TCF7L1: variants seen among roughly 807,000 people sequenced by gnomAD.
TCF7L1 encodes the protein transcription factor 7-like 1.
Under a neutral mutation model 63.7 loss-of-function variants are expected in TCF7L1, and 18 were observed. That is an observed-to-expected ratio of 0.28 (90% confidence interval 0.20 to 0.42). The LOEUF is 0.42. Ranked by LOEUF, TCF7L1 falls within the 10% of genes least tolerant of loss-of-function variation. The pLI is 1.00. For synonymous variants in TCF7L1, 355 were observed against 340.9 expected (o/e 1.04, Z -0.46); for missense variants, 654 against 779.3 (o/e 0.84, Z 1.91).
intron 11 of TCF7L1, among the ~76,000 whole-genome samples, chr2:85,308,462 T>C (rs1457781981): frequency 7.4e-4 from 62 of 84,152 alleles, no homozygotes; most frequent in Non-Finnish European, 8.9e-4. Flanking sequence ...CCTCCCTCTC[T>C]TTCCCTCCCT....
Position 85,309,063 on chromosome 2 carries a change from T to C in TCF7L1, c.1368T>C (p.Val456=). The C allele has an allele frequency of 6.2e-7, 1 of 1,610,866 alleles. No individual in the cohort carries two copies. The highest frequency in any genetic ancestry group is 8.5e-7 in the Non-Finnish European group (1 of 1,178,404). The change falls in exon 12 of 12, where the codon GTT becomes GTC. Residue 456 remains valine (V), a synonymous_variant. Transcript: ENST00000282111. ...CCTCCAAGAGCAAGAAGCCATGTGT[T>C]CAGTACCTGCCCCCCGAGAAGCCCT... ...ALASKSKKPC[V]QYLPPEKPCD... is the part of the protein sequence containing the mutation.
At chr2:85,249,598 G>T (rs1481878930) in intron 3 of TCF7L1, among the ~76,000 whole-genome samples, 1 of 152,178 alleles carries the variant, frequency 6.6e-6, no homozygotes, top group Non-Finnish European at 1.5e-5. Flanking sequence ...TGCTTTTCTG[G>T]GGGTCTGCGG....
In TCF7L1 at chr2:85,241,437, GTTTTTTTTTT is replaced by G. The variant is rs772334481; in HGVS notation, c.442-42039_442-42030del. 2.8e-4 allele frequency among the ~76,000 whole-genome samples: 23 copies of G among 83,072 alleles called. No individual in the cohort carries two copies. In the South Asian group the frequency reaches 9.5e-3, roughly 34 times the overall value. The allele number at this position is 83,072 out of a possible 152,430, so 54.5% of individuals were successfully genotyped here. The stretch of plus-strand genomic sequence containing the variant: ...AGAGGACTGGATGCACTTTGTTTTT[GTTTTTTTTTT>G]TTTTTTTTTTTTTTTTTTGAGATGG... On this transcript the variant is annotated intron_variant, in intron 3 of 11. Coordinates refer to ENST00000282111, the MANE Select transcript of TCF7L1 (RefSeq NM_031283.3).
intron 3 of TCF7L1, among the ~76,000 whole-genome samples, chr2:85,229,052 A>T (rs1328941161): frequency 3.4e-5 from 5 of 147,774 alleles, no homozygotes; most frequent in Non-Finnish European, 6.0e-5. Context: ...AAGGAAAAGA[A>T]ATTAGAACCT....
In TCF7L1 at chr2:85,309,248, A is replaced by G. The variant is rs137985347; in HGVS notation, c.1553A>G (p.His518Arg). 1 of 1,613,340 alleles carries G rather than the reference A, an allele frequency of 6.2e-7. No homozygotes were observed. Among genetic ancestry groups the G allele is most frequent in the African/African-American group, 1.3e-5 (1 of 74,742 alleles). Residue 518 changes from histidine to arginine, a missense_variant, in exon 12 of 12, where the codon CAC becomes CGC. His to Arg is a conservative substitution (Grantham distance 29, BLOSUM62 0). Transcript: ENST00000282111. Reference sequence around the variant, plus strand: ...GAAACCCGGGCCCAGCTGGCTCTCCACTCTGCCGCCTTCCTGTCGGCTAAG... The same window carrying G: ...GAAACCCGGGCCCAGCTGGCTCTCCGCTCTGCCGCCTTCCTGTCGGCTAAG... ...KPETRAQLAL[H>R]SAAFLSAKAA...
At chr2:85,166,942 A>T (rs2104229188) in intron 3 of TCF7L1, 1 of 152,336 alleles carries the variant, frequency 6.6e-6, no homozygotes, top group East Asian at 1.9e-4. Flanking sequence ...TCTGTCGCCC[A>T]GGCTGGAGTG....
chr2:85,277,873 C>T (rs189861828), intron 3 of TCF7L1, among the ~76,000 whole-genome samples: 2 of 152,214 alleles, frequency 1.3e-5, no homozygotes, highest in East Asian at 1.9e-4. Context: ...GGCATTCCCC[C>T]GAGCCCTGTA....
Position 85,134,217 on chromosome 2 carries a change from C to T in TCF7L1, c.314-106C>T. 3 of 1,479,010 alleles carry T rather than the reference C, an allele frequency of 2.0e-6. No homozygotes were observed. Among genetic ancestry groups the T allele is most frequent in the East Asian group, 2.5e-5 (1 of 39,228 alleles). The allele number at this position is 1,479,010 out of a possible 1,614,324, so 91.6% of individuals were successfully genotyped here. Reference sequence around the variant, plus strand: ...TTTATTGGCGGCAGCCCCCGTGGGGCGCGCGTGGGGGGCGCTGGGGTCCCC... The same window carrying T: ...TTTATTGGCGGCAGCCCCCGTGGGGTGCGCGTGGGGGGCGCTGGGGTCCCC... On this transcript the variant is annotated intron_variant, in intron 2 of 11. Coordinates refer to ENST00000282111, the MANE Select transcript of TCF7L1 (RefSeq NM_031283.3). The surrounding 1 kb of genome is among the most constrained non-coding windows in gnomAD (Gnocchi z 5.0).
chr2:85,286,070 A>C (rs901976491), intron 4 of TCF7L1, among the ~76,000 whole-genome samples: 1 of 151,986 alleles, frequency 6.6e-6, no homozygotes, highest in Non-Finnish European at 1.5e-5. Context: ...GCATACCTGT[A>C]ATCTCAACTA....
chr2:85,308,284 C>T (rs937315084), intron 11 of TCF7L1, among the ~76,000 whole-genome samples: 4 of 150,834 alleles, frequency 2.7e-5, no homozygotes, highest in African/African-American at 7.3e-5. Flanking sequence ...ATCTCATGCT[C>T]ACTCCAGGAC....
intron 4 of TCF7L1, among the ~76,000 whole-genome samples, chr2:85,291,045 T>C (rs1325058715): frequency 6.6e-6 from 1 of 152,202 alleles, no homozygotes; most frequent in Non-Finnish European, 1.5e-5. Flanking sequence ...CTGACAGCCT[T>C]CCTTCCCTTT....
intron 11 of TCF7L1, among the ~76,000 whole-genome samples, chr2:85,308,132 C>T (rs1682161902): frequency 6.6e-6 from 1 of 152,096 alleles, no homozygotes; most frequent in South Asian, 2.1e-4. Flanking sequence ...GGTTGAACAC[C>T]AGAAAAAATT....
chr2:85,188,180 G>T (rs1027209091), intron 3 of TCF7L1, among the ~76,000 whole-genome samples: 1 of 152,152 alleles, frequency 6.6e-6, no homozygotes, highest in Non-Finnish European at 1.5e-5. Flanking sequence ...GAGAGAATCT[G>T]GTGGTAATGG....
Position 85,185,960 on chromosome 2 carries a change from A to ATTTT in TCF7L1, c.441+51531_441+51534dup, listed in dbSNP as rs67142055. On this transcript the variant is annotated intron_variant, in intron 3 of 11. Coordinates refer to ENST00000282111, the MANE Select transcript of TCF7L1 (RefSeq NM_031283.3). ...TCCCAGTCAGGAGACAACACAGGGG[A>ATTTT]TTTTTTTTTTTTTTTTTTTTTTTTG... Among the ~76,000 whole-genome samples, 104 of 94,626 alleles carry ATTTT rather than the reference A, an allele frequency of 1.1e-3. 1 individual carries two copies. Among genetic ancestry groups the ATTTT allele is most frequent in the African/African-American group, 3.9e-3 (86 of 22,312 alleles). The allele number at this position is 94,626 out of a possible 152,430, so 62.1% of individuals were successfully genotyped here.
chr2:85,133,983 T>C lies in TCF7L1; in HGVS notation c.250-33T>C, dbSNP rs760030187. On this transcript the variant is annotated intron_variant, in intron 1 of 11. Coordinates refer to ENST00000282111, the MANE Select transcript of TCF7L1 (RefSeq NM_031283.3). This position sits in a 1 kb window ranked among gnomAD's most constrained non-coding sequence, Gnocchi z 4.4. ...CGGGGGATCCCGGCCCTGCGTCCGC[T>C]CACCCGCTCTTGCCTTTGTGTCTCC... The C allele has an allele frequency of 3.8e-6, 6 of 1,593,244 alleles. No homozygotes were observed. In the Admixed American group the frequency reaches 5.1e-5, roughly 14 times the overall value.
intron 4 of TCF7L1, among the ~76,000 whole-genome samples, chr2:85,286,373 A>AC (rs199754515): frequency 0.12 from 18,326 of 149,902 alleles, 2,073 homozygotes; most frequent in African/African-American, 0.29. Flanking sequence ...CAAACAAACA[A>AC]AAAAAAAAAC....
intron 3 of TCF7L1, among the ~76,000 whole-genome samples, chr2:85,162,688 G>A (rs1056733536): frequency 6.6e-6 from 1 of 152,100 alleles, no homozygotes; most frequent in Admixed American, 6.6e-5. Flanking sequence ...TCTGCCGCAG[G>A]GACACTGATA....
chr2:85,215,670 T>A (rs1470119807), intron 3 of TCF7L1, among the ~76,000 whole-genome samples: 1 of 150,952 alleles, frequency 6.6e-6, no homozygotes, highest in Admixed American at 6.6e-5. Flanking sequence ...AAATCCCATC[T>A]GTAATTGTGA....
chr2:85,144,940 C>T (rs1677843734), intron 3 of TCF7L1, among the ~76,000 whole-genome samples: 1 of 151,762 alleles, frequency 6.6e-6, no homozygotes, highest in African/African-American at 2.4e-5. Context: ...AAAAAATTAG[C>T]TGGGTGTGGT....
Sources: allele counts gnomAD v4.1 joint callset (sites outside exome capture counted in the v4.1 genomes callset), GRCh38; gene constraint gnomAD v4.1.1; non-coding constraint Gnocchi (gnomAD v3.1); transcripts MANE v1.5; gene names NCBI Gene and HGNC (gene_info 2026-07-23, HGNC 2026-07-21).